Variants in PRKCE observed in about 807,000 individuals in gnomAD.
PRKCE encodes the protein protein kinase C epsilon.
In PRKCE, 16 loss-of-function variants were observed where a neutral mutation model predicts 85.4. The ratio of observed to expected loss-of-function variants is 0.19; its 90% confidence interval spans 0.13 to 0.28. The LOEUF (loss-of-function observed/expected upper bound fraction) is 0.28, where lower values mean the gene tolerates loss of function less well. Ranked by LOEUF, PRKCE falls within the 10% of genes least tolerant of loss-of-function variation. The pLI is 1.00. For missense variants in PRKCE, 573 were observed against 975.2 expected (o/e 0.59, Z 5.49); for synonymous variants, 388 against 371.5 (o/e 1.04, Z -0.51).
At chr2:45,673,914 C>G (rs1382424057) in intron 1 of PRKCE, among the ~76,000 whole-genome samples, 2 of 152,214 alleles carry the variant, frequency 1.3e-5, no homozygotes, top group Non-Finnish European at 2.9e-5. Flanking sequence ...GAGACCCACT[C>G]TTCCTCCTCT....
intron 1 of PRKCE, among the ~76,000 whole-genome samples, chr2:45,829,864 G>A (rs974279494): frequency 1.3e-4 from 20 of 152,022 alleles, no homozygotes; most frequent in Admixed American, 1.2e-3. Context: ...ACGAGGTCAG[G>A]AGATCGAGAC....
At chr2:45,698,427 C>T (rs1199667323) in intron 1 of PRKCE, among the ~76,000 whole-genome samples, 1 of 151,984 alleles carries the variant, frequency 6.6e-6, no homozygotes, top group Admixed American at 6.6e-5. Context: ...GGGGACCTGG[C>T]TCCCTGGGGG....
At chr2:45,836,544 C>G (rs547705029) in intron 1 of PRKCE, among the ~76,000 whole-genome samples, 21 of 152,348 alleles carry the variant, frequency 1.4e-4, no homozygotes, top group Non-Finnish European at 2.6e-4. Flanking sequence ...GCCTGAATGT[C>G]CCCTGCTCTG....
intron 1 of PRKCE, among the ~76,000 whole-genome samples, chr2:45,708,915 T>C (rs1443725554): frequency 6.6e-6 from 1 of 152,212 alleles, no homozygotes; most frequent in Non-Finnish European, 1.5e-5. Context: ...TCCAAATCCC[T>C]GCTTGGAAGA....
At chr2:46,167,510 G>C (rs1324422355) in intron 14 of PRKCE, among the ~76,000 whole-genome samples, 1 of 152,178 alleles carries the variant, frequency 6.6e-6, no homozygotes, top group Admixed American at 6.5e-5. Context: ...GCACCATCTA[G>C]CAAGGCACCA....
intron 10 of PRKCE, among the ~76,000 whole-genome samples, chr2:46,029,486 A>G (rs1030961437): frequency 7.9e-5 from 12 of 152,178 alleles, no homozygotes; most frequent in South Asian, 2.1e-4. Flanking sequence ...GGTGGGACCA[A>G]TGAAGATCCT....
At position 45,668,271 on chromosome 2, in the gene PRKCE, G is replaced by A. The variant is rs775448638; in HGVS notation, c.348+15823G>A. On this transcript the variant is annotated intron_variant, in intron 1 of 14. Transcript: ENST00000306156. ...CAGGAGAATCGCTTGAACCTGGGAGGTGGAAGCTGCAGTGACTGAGATGGC... is the reference window on the plus strand; with the variant it reads ...CAGGAGAATCGCTTGAACCTGGGAGATGGAAGCTGCAGTGACTGAGATGGC... 8.5e-5 allele frequency among the ~76,000 whole-genome samples: 13 copies of A among 152,170 alleles called. 1 individual carries two copies. The highest frequency in any genetic ancestry group is 1.3e-4 in the Non-Finnish European group (9 of 68,018).
At chr2:46,136,570 A>G (rs1558492158) in intron 11 of PRKCE, among the ~76,000 whole-genome samples, 2 of 152,138 alleles carry the variant, frequency 1.3e-5, no homozygotes, top group South Asian at 4.2e-4. Flanking sequence ...TAAGTTCTTT[A>G]TCTGCAAACC....
In PRKCE at chr2:45,697,222, G is replaced by T. The variant is rs1347417871; in HGVS notation, c.348+44774G>T. Among the ~76,000 whole-genome samples, 1 of 152,112 alleles carries T rather than the reference G, an allele frequency of 6.6e-6. No individual in the cohort carries two copies. Among genetic ancestry groups the T allele is most frequent in the Non-Finnish European group, 1.5e-5 (1 of 68,034 alleles). Reference sequence around the variant, plus strand: ...AAGAGTCCATGCTCTACCTGGGAGGGCCTGTGTAGGTGAAGAGGGGGCGCA... The same window carrying T: ...AAGAGTCCATGCTCTACCTGGGAGGTCCTGTGTAGGTGAAGAGGGGGCGCA... On this transcript the variant is annotated intron_variant, in intron 1 of 14. Coordinates refer to ENST00000306156, the MANE Select transcript of PRKCE (RefSeq NM_005400.3). The surrounding 1 kb of genome is among the most constrained non-coding windows in gnomAD (Gnocchi z 4.2).
chr2:46,125,036 T>A (rs1466021393), intron 11 of PRKCE, among the ~76,000 whole-genome samples: 1 of 152,246 alleles, frequency 6.6e-6, no homozygotes, highest in Non-Finnish European at 1.5e-5. Context: ...AGCCACTGAT[T>A]GCCCAGTACT....
At chr2:46,135,137 G>A (rs1011084390) in intron 11 of PRKCE, among the ~76,000 whole-genome samples, 1 of 152,134 alleles carries the variant, frequency 6.6e-6, no homozygotes, top group Admixed American at 6.5e-5. Context: ...CCAGCTGTCA[G>A]TGTAGTGTCT....
intron 2 of PRKCE, among the ~76,000 whole-genome samples, chr2:45,856,593 C>T (rs1473435611): frequency 2.6e-5 from 4 of 152,124 alleles, no homozygotes; most frequent in African/African-American, 7.2e-5. Context: ...TTGATATATA[C>T]GACACATTGT....
At chr2:45,746,902 C>A (rs577228025) in intron 1 of PRKCE, among the ~76,000 whole-genome samples, 50 of 152,270 alleles carry the variant, frequency 3.3e-4, no homozygotes, top group African/African-American at 1.2e-3. Context: ...TTATCCCAGG[C>A]CTGGATGCCC....
chr2:45,675,578 TGAGG>T (rs1469621083), intron 1 of PRKCE: 1 of 152,248 alleles, frequency 6.6e-6, no homozygotes, highest in African/African-American at 2.4e-5. Flanking sequence ...CCATGTGGTT[TGAGG>T]AAATTCAGTG....
At position 45,911,846 on chromosome 2, in the gene PRKCE, A is replaced by C. The variant is rs78747650; in HGVS notation, c.413-64583A>C. Among the ~76,000 whole-genome samples, 96 of 152,104 alleles carry C rather than the reference A, an allele frequency of 6.3e-4. 1 individual carries two copies. In the East Asian group the frequency reaches 0.017, roughly 27 times the overall value. ...CAGATAACTTATGATTTCCATACCT[A>C]CCTGGTAGGATTGTTATGAGAATTA... On this transcript the variant is annotated intron_variant, in intron 2 of 14. Transcript: ENST00000306156.
chr2:45,937,834 A>T (rs1046591963), intron 2 of PRKCE, among the ~76,000 whole-genome samples: 2 of 152,156 alleles, frequency 1.3e-5, no homozygotes, highest in African/African-American at 4.8e-5. Flanking sequence ...TGTCACTCCA[A>T]CTCTGGAAGG....
intron 1 of PRKCE, among the ~76,000 whole-genome samples, chr2:45,668,730 C>G (rs1676025624): frequency 6.6e-6 from 1 of 152,140 alleles, no homozygotes; most frequent in South Asian, 2.1e-4. Flanking sequence ...GCTTCCTCAG[C>G]TGTAAAATGG....
At chr2:46,126,887 C>T (rs1673917988) in intron 11 of PRKCE, among the ~76,000 whole-genome samples, 1 of 152,192 alleles carries the variant, frequency 6.6e-6, no homozygotes, top group Non-Finnish European at 1.5e-5. Flanking sequence ...AGGCTACAGA[C>T]AGCAAAGACC....
At chr2:45,763,870 A>T (rs2104850009) in intron 1 of PRKCE, among the ~76,000 whole-genome samples, 1 of 152,218 alleles carries the variant, frequency 6.6e-6, no homozygotes, top group South Asian at 2.1e-4. Flanking sequence ...ACAGATTGGG[A>T]GCTTTGGTGT....
Sources: gnomAD v4.1 joint callset for allele counts (sites outside exome capture counted in the v4.1 genomes callset) on GRCh38, gnomAD v4.1.1 for gene constraint, Gnocchi (gnomAD v3.1) non-coding constraint, MANE v1.5 for transcripts, NCBI Gene and HGNC (gene_info 2026-07-23, HGNC 2026-07-21) for gene names.